TDRKH: variants seen among roughly 807,000 people sequenced by gnomAD.
TDRKH encodes tudor and KH domain containing.
TDRKH carries 28 observed loss-of-function variants against 61.3 expected under a neutral mutation model. The ratio of observed to expected loss-of-function variants is 0.46; its 90% confidence interval spans 0.34 to 0.63. TDRKH has a LOEUF of 0.63. TDRKH is among the 20% of genes least tolerant of loss of function. The pLI is 0.01. For missense variants in TDRKH, 540 were observed against 683.4 expected (o/e 0.79, Z 2.34); for synonymous variants, 219 against 244.4 (o/e 0.90, Z 0.97).
rs940391768 is a variant in TDRKH, at chr1:151,774,147, T to A, written c.*305A>T. The A allele has an allele frequency of 5.8e-6, 2 of 342,340 alleles. No homozygotes were observed. Among genetic ancestry groups the A allele is most frequent in the Non-Finnish European group, 1.1e-5 (2 of 187,942 alleles). 21.2% of individuals were successfully genotyped at this position (342,340 alleles called of 1,614,324 possible). A position where few individuals can be genotyped will look rare whatever the true frequency, so the allele number is the denominator to read the frequency against. On this transcript the variant is annotated 3_prime_UTR_variant, in exon 13 of 13. Transcript: ENST00000368824. Reference sequence around the variant, plus strand: ...TAATTTGGTCCACAGCAAGCCAGACTATATGTGTAATAAAGGAAGGACTGC... The same window carrying A: ...TAATTTGGTCCACAGCAAGCCAGACAATATGTGTAATAAAGGAAGGACTGC...
rs1473482054 is a variant in TDRKH at position 151,775,562 on chromosome 1, G to A, written c.1283-19C>T. 6.2e-7 allele frequency: 1 copy of A among 1,609,368 alleles called. No individual in the cohort carries two copies. Among genetic ancestry groups the A allele is most frequent in the Non-Finnish European group, 8.5e-7 (1 of 1,178,010 alleles). On this transcript the variant is annotated intron_variant, in intron 9 of 12. Coordinates refer to ENST00000368824, the MANE Select transcript of TDRKH (RefSeq NM_001083965.2). ...TGGTCACCTGGCAAAAGATTGTAGG[G>A]GTTACTGCTGATAGGGGTGGGGCTT...
At chr1:151,782,757 G>C (rs1056696574) in intron 2 of TDRKH, 142 bp downstream of exon 2, 12 of 1,102,142 alleles carry the variant, frequency 1.1e-5, no homozygotes, top group Admixed American at 5.8e-5. Context: ...GTGACAGAGT[G>C]AGACCCTGTC....
At chr1:151,766,506 C>G (rs1335298317), downstream of TDRKH, 1 of 556,098 alleles carries the variant, frequency 1.8e-6, no homozygotes, top group African/African-American at 1.9e-5. Context: ...ATTTTTTAAT[C>G]ATTCATACAG....
chr1:151,777,154 G>GT (rs1649260679), intron 6 of TDRKH, among the ~76,000 whole-genome samples: 1 of 152,214 alleles, frequency 6.6e-6, no homozygotes, highest in African/African-American at 2.4e-5. Context: ...TGTTGATAAA[G>GT]TATGTCTAGG....
At chr1:151,766,790 C>G, downstream of TDRKH, 1 of 1,586,572 alleles carries the variant, frequency 6.3e-7, no homozygotes, top group Non-Finnish European at 8.6e-7. Context: ...AAACACGTAA[C>G]TACCTCTACC....
At chr1:151,789,459 A>G (rs1042681320) in intron 1 of TDRKH, among the ~76,000 whole-genome samples, 1 of 152,224 alleles carries the variant, frequency 6.6e-6, no homozygotes, top group Admixed American at 6.5e-5. Context: ...GGAAGGAGGA[A>G]AATACTAGAA....
chr1:151,767,124 A>C (rs780490427), downstream of TDRKH: 5 of 1,610,638 alleles, frequency 3.1e-6, no homozygotes, highest in South Asian at 5.5e-5. Context: ...CCCACCTCAG[A>C]TTCCAAGATA....
intron 2 of TDRKH, among the ~76,000 whole-genome samples, chr1:151,782,285 A>G (rs1490506425): frequency 1.3e-5 from 2 of 151,656 alleles, no homozygotes; most frequent in African/African-American, 4.8e-5. Context: ...CGTCTCTACT[A>G]AAAATACAAA....
At position 151,776,551 on chromosome 1, in the gene TDRKH, T is replaced by C; in HGVS notation, c.932A>G (p.Tyr311Cys). 1 of 1,614,122 alleles carries C rather than the reference T, an allele frequency of 6.2e-7. No homozygotes were observed. Among genetic ancestry groups the C allele is most frequent in the Non-Finnish European group, 8.5e-7 (1 of 1,180,028 alleles). ...GTTAGGGTGCTCAGAAGCAGAAACG[T>C]AGACTTCTAGGTACTCATCAGCATG... ...SFHADEYLEV[Y>C]VSASEHPNHF... is the part of the protein sequence containing the mutation. The change falls in exon 7 of 13, where the codon TAC (tyrosine) becomes TGC (cysteine). Residue 311 changes from tyrosine to cysteine, a missense_variant. Tyr to Cys is a radical substitution (Grantham distance 194). This residue lies in a region of TDRKH where 379 missense variants were observed against 443.8 expected (regional missense o/e 0.85). Coordinates refer to ENST00000368824, the MANE Select transcript of TDRKH (RefSeq NM_001083965.2).
chr1:151,769,858 T>C (rs2489891), downstream of TDRKH, among the ~76,000 whole-genome samples: 150,327 of 152,342 alleles, frequency 0.99, 74,202 homozygotes, highest in East Asian at 1. Context: ...AGATCACTCG[T>C]GGTTAGGAGC....
chr1:151,771,084 G>A, downstream of TDRKH: 1 of 1,593,786 alleles, frequency 6.3e-7, no homozygotes, highest in Non-Finnish European at 8.5e-7. Flanking sequence ...CAGGTGCCCT[G>A]CTGCGGGCCT....
At chr1:151,789,142 G>C (rs1448330179) in intron 1 of TDRKH, among the ~76,000 whole-genome samples, 1 of 152,124 alleles carries the variant, frequency 6.6e-6, no homozygotes, top group Non-Finnish European at 1.5e-5. Flanking sequence ...TTGAACTCCC[G>C]CAGTCGTCCG....
In TDRKH at chr1:151,790,183, A is replaced by C. The variant is rs1650780864; in HGVS notation, c.-28+197T>G. 2.6e-5 allele frequency among the ~76,000 whole-genome samples: 4 copies of C among 152,048 alleles called. No homozygotes were observed. In the South Asian group the frequency reaches 8.3e-4, roughly 32 times the overall value. On this transcript the variant is annotated intron_variant, in intron 1 of 12. Transcript: ENST00000368824. ...AGCGGGTGACTGGAGCATCTTCCTC[A>C]GATACAGTTACGAGTTCCCAGTGGG...
In TDRKH at chr1:151,778,965, C is replaced by T; in HGVS notation, c.603G>A (p.Arg201=). 1 of 1,614,136 alleles carries T rather than the reference C, an allele frequency of 6.2e-7. No individual in the cohort carries two copies. Residue 201 remains arginine, a synonymous_variant, in exon 6 of 13, where the codon CGG becomes CGA. Transcript: ENST00000368824. ...TTTCTGCAGAATGAGCAATTCTCTTCCGAAGTTCTTCATCTTCTGAAACTT... is the reference window on the plus strand; with the variant it reads ...TTTCTGCAGAATGAGCAATTCTCTTTCGAAGTTCTTCATCTTCTGAAACTT... ...LEKVSEDEEL[R]KRIAHSAETR...
intron 2 of TDRKH, chr1:151,781,793 C>A: frequency 1.8e-6 from 1 of 549,116 alleles, no homozygotes; most frequent in Non-Finnish European, 3.3e-6. Flanking sequence ...CTCTGGGACA[C>A]TGTTTCAGAT....
chr1:151,788,473 T>C (rs762187857), intron 1 of TDRKH, among the ~76,000 whole-genome samples: 27 of 152,126 alleles, frequency 1.8e-4, no homozygotes, highest in Non-Finnish European at 2.8e-4. Flanking sequence ...TGAACAAGAA[T>C]AAACTGGATC....
chr1:151,787,242 G>A (rs890884137), intron 1 of TDRKH, among the ~76,000 whole-genome samples: 12 of 151,992 alleles, frequency 7.9e-5, no homozygotes, highest in Admixed American at 7.2e-4. Flanking sequence ...TTTTTGAGAC[G>A]GAGTCTCACT....
chr1:151,789,573 A>C (rs1650697316), intron 1 of TDRKH, among the ~76,000 whole-genome samples: 1 of 152,200 alleles, frequency 6.6e-6, no homozygotes, highest in Non-Finnish European at 1.5e-5. Flanking sequence ...CTAACTTTGA[A>C]ATTTCCTGAC....
chr1:151,780,263 T>C (rs1649622602), intron 3 of TDRKH, 123 bp from the exon 4 acceptor site: 1 of 329,720 alleles, frequency 3.0e-6, no homozygotes, highest in Non-Finnish European at 5.2e-6. Context: ...GCTAATACTA[T>C]CTATACAACC....
Sources: gnomAD v4.1 joint callset for allele counts (sites outside exome capture counted in the v4.1 genomes callset) on GRCh38, gnomAD v4.1.1 for gene constraint, gnomAD v4.1.1 regional missense constraint, MANE v1.5 for transcripts, NCBI Gene and HGNC (gene_info 2026-07-23, HGNC 2026-07-21) for gene names.